CTNNA3: variants seen among roughly 807,000 people sequenced by gnomAD.
CTNNA3 encodes the protein catenin alpha 3, also known as catenin alpha-3.
CTNNA3 carries 76 observed loss-of-function variants against 95.7 expected under a neutral mutation model. The observed-to-expected ratio is 0.79, with a 90% CI of 0.66 to 0.96. CTNNA3 has a LOEUF of 0.96. CTNNA3 is among the 40% of genes least tolerant of loss of function. CTNNA3 has a pLI of 0.00. For synonymous variants in CTNNA3, 431 were observed against 374.4 expected (o/e 1.15, Z -1.74); for missense variants, 1,191 against 1,089.8 (o/e 1.09, Z -1.31).
intron 5 of CTNNA3, among the ~76,000 whole-genome samples, chr10:67,462,814 T>C (rs1288039819): frequency 6.6e-6 from 1 of 152,216 alleles, no homozygotes; most frequent in Non-Finnish European, 1.5e-5. Flanking sequence ...GGGATTGTTA[T>C]GGAATCTCAC....
intron 16 of CTNNA3, among the ~76,000 whole-genome samples, chr10:65,969,183 C>A (rs989049727): frequency 1.3e-5 from 2 of 151,572 alleles, no homozygotes; most frequent in South Asian, 2.1e-4. Context: ...CCTTACCCAG[C>A]ATTCTCTAAA....
intron 9 of CTNNA3, among the ~76,000 whole-genome samples, chr10:66,704,390 C>T (rs1426257438): frequency 6.6e-6 from 1 of 152,070 alleles, no homozygotes; most frequent in East Asian, 1.9e-4. Context: ...GAGGGAACTG[C>T]AGGAGTTTTT....
At chr10:66,249,492 C>T (rs770362729) in intron 13 of CTNNA3, among the ~76,000 whole-genome samples, 12 of 152,092 alleles carry the variant, frequency 7.9e-5, no homozygotes, top group Admixed American at 2.0e-4. Flanking sequence ...CAAAAGAAGA[C>T]ATACAAATGT....
intron 7 of CTNNA3, among the ~76,000 whole-genome samples, chr10:67,139,579 A>G (rs1007270955): frequency 1.3e-5 from 2 of 150,766 alleles, no homozygotes; most frequent in Non-Finnish European, 2.9e-5. Flanking sequence ...CACCCAGCTA[A>G]TTTTTGTATT....
At chr10:66,766,800 A>T (rs1839877024) in intron 8 of CTNNA3, among the ~76,000 whole-genome samples, 1 of 152,156 alleles carries the variant, frequency 6.6e-6, no homozygotes, top group Non-Finnish European at 1.5e-5. Context: ...AATGTTTTCT[A>T]CCTTGTTGGA....
chr10:66,805,372 T>A (rs1480194717), intron 7 of CTNNA3, among the ~76,000 whole-genome samples: 2 of 147,052 alleles, frequency 1.4e-5, no homozygotes, highest in African/African-American at 2.5e-5. Flanking sequence ...TTTTATTCTT[T>A]AAAAAAAAAA....
intron 7 of CTNNA3, among the ~76,000 whole-genome samples, chr10:66,834,920 T>C (rs1229753873): frequency 6.6e-6 from 1 of 152,126 alleles, no homozygotes; most frequent in Non-Finnish European, 1.5e-5. Context: ...ATAAGTAAAT[T>C]CTATTCAAAG....
At chr10:66,022,065 C>G (rs1315919175) in intron 15 of CTNNA3, among the ~76,000 whole-genome samples, 1 of 151,502 alleles carries the variant, frequency 6.6e-6, no homozygotes, top group African/African-American at 2.4e-5. Context: ...GCTATGCTGC[C>G]AAGGCTGTTC....
At chr10:66,578,510 A>G (rs1843076860) in intron 10 of CTNNA3, among the ~76,000 whole-genome samples, 1 of 151,960 alleles carries the variant, frequency 6.6e-6, no homozygotes, top group African/African-American at 2.4e-5. Context: ...TAATTTCTTG[A>G]GGGTTTTCAG....
chr10:67,200,174 G>A (rs1257559625), intron 6 of CTNNA3, among the ~76,000 whole-genome samples: 1 of 152,020 alleles, frequency 6.6e-6, no homozygotes, highest in Admixed American at 6.6e-5. Flanking sequence ...AATTTTTTCT[G>A]TACCCTGTAT....
intron 15 of CTNNA3, among the ~76,000 whole-genome samples, chr10:66,033,796 A>G (rs1342619511): frequency 6.6e-6 from 1 of 152,138 alleles, no homozygotes; most frequent in Non-Finnish European, 1.5e-5. Context: ...ATTTTTTTCT[A>G]TACCTCTACA....
chr10:66,901,132 G>T (rs374500867), intron 7 of CTNNA3, among the ~76,000 whole-genome samples: 1 of 152,162 alleles, frequency 6.6e-6, no homozygotes, highest in African/African-American at 2.4e-5. Flanking sequence ...CAGAGAGAAA[G>T]GTCGGGTTAC....
intron 13 of CTNNA3, among the ~76,000 whole-genome samples, chr10:66,187,241 C>G (rs1389690305): frequency 1.3e-5 from 2 of 152,030 alleles, no homozygotes; most frequent in African/African-American, 4.8e-5. Flanking sequence ...AGCTGTTTCC[C>G]TGTAGGCAGT....
At chr10:66,949,419 G>A (rs986671892) in intron 7 of CTNNA3, among the ~76,000 whole-genome samples, 1 of 152,074 alleles carries the variant, frequency 6.6e-6, no homozygotes, top group Non-Finnish European at 1.5e-5. Flanking sequence ...TTAGCCTGGC[G>A]TGTTGGCATA....
intron 9 of CTNNA3, among the ~76,000 whole-genome samples, chr10:66,761,726 G>C (rs749960700): frequency 6.6e-6 from 1 of 152,084 alleles, no homozygotes; most frequent in Non-Finnish European, 1.5e-5. Flanking sequence ...TTTAAGGTTA[G>C]AAACTATATC....
chr10:66,531,787 A>G (rs1841474474), intron 10 of CTNNA3, among the ~76,000 whole-genome samples: 1 of 152,112 alleles, frequency 6.6e-6, no homozygotes. Context: ...AATTGCCTTA[A>G]AACTATCTGA....
chr10:67,026,122 G>T (rs532423236), intron 7 of CTNNA3, among the ~76,000 whole-genome samples: 1 of 139,918 alleles, frequency 7.1e-6, no homozygotes, highest in Non-Finnish European at 1.5e-5. Flanking sequence ...GTGAGGGGAG[G>T]GGGGAGGGAT....
chr10:66,346,246 T>TATATATATATATATAGAGAGAG (rs1416945569), intron 12 of CTNNA3, among the ~76,000 whole-genome samples: 1 of 27,792 alleles, frequency 3.6e-5, no homozygotes, highest in Non-Finnish European at 7.6e-5. Flanking sequence ...TATATATATA[T>TATATATATATATATAGAGAGAG]AGAGAGAGAG....
At chr10:66,678,616 G>T (rs565871812) in intron 9 of CTNNA3, among the ~76,000 whole-genome samples, 1 of 152,248 alleles carries the variant, frequency 6.6e-6, no homozygotes, top group African/African-American at 2.4e-5. Context: ...CTTCTTAGAA[G>T]AACACTTTTG....
Sources: gnomAD v4.1 joint callset for allele counts (sites outside exome capture counted in the v4.1 genomes callset) on GRCh38, gnomAD v4.1.1 for gene constraint, MANE v1.5 for transcripts, NCBI Gene and HGNC (gene_info 2026-07-23, HGNC 2026-07-21) for gene names.